Variants in PDE4C observed in about 807,000 individuals in gnomAD.
The protein encoded by PDE4C is 3',5'-cyclic-AMP phosphodiesterase 4C.
Under a neutral mutation model 63.9 loss-of-function variants are expected in PDE4C, and 50 were observed. That is an observed-to-expected ratio of 0.78 (90% CI 0.62 to 0.99). The LOEUF (loss-of-function observed/expected upper bound fraction) is 0.99. PDE4C is among the 50% of genes least tolerant of loss of function. The probability of loss-of-function intolerance (pLI) is 0.00; values close to 1 mark genes in which losing one functional copy is unlikely to be tolerated. For synonymous variants in PDE4C, 377 were observed against 385.1 expected, an observed-to-expected ratio of 0.98 and a Z score of 0.25; for missense variants, 777 against 899.1, an observed-to-expected ratio of 0.86 and a Z score of 1.74.
At chr19:18,239,241 C>G (rs1474735558) in intron 1 of PDE4C, among the ~76,000 whole-genome samples, 1 of 152,174 alleles carries the variant, frequency 6.6e-6, no homozygotes, top group African/African-American at 2.4e-5. Context: ...AAAAGCAATT[C>G]TGAGCTTCAG....
chr19:18,249,201 T>C (rs139679399), upstream of PDE4C, among the ~76,000 whole-genome samples: 2 of 152,126 alleles, frequency 1.3e-5, no homozygotes, highest in East Asian at 3.9e-4. Flanking sequence ...ACTACCAAGC[T>C]CAAGCAATTC....
intron 7 of PDE4C, 82 bp from the exon 8 acceptor site, chr19:18,219,479 C>T: frequency 6.9e-7 from 1 of 1,455,746 alleles, no homozygotes; most frequent in Non-Finnish European, 9.2e-7. Flanking sequence ...TTTGCCAAAC[C>T]CCAGAATCAA....
upstream of PDE4C, among the ~76,000 whole-genome samples, chr19:18,238,238 C>CTT (rs752994500): frequency 3.5e-5 from 5 of 141,378 alleles, no homozygotes; most frequent in Non-Finnish European, 3.1e-5. Context: ...CTCTCTCTCT[C>CTT]TTTTTTTTTT....
At chr19:18,247,903 C>T (rs1407564019) in intron 1 of PDE4C, among the ~76,000 whole-genome samples, 1 of 152,172 alleles carries the variant, frequency 6.6e-6, no homozygotes, top group Admixed American at 6.5e-5. Context: ...GAGACACCCG[C>T]CCGGACCTTG....
chr19:18,232,897 G>T, intron 1 of PDE4C: 2 of 1,412,482 alleles, frequency 1.4e-6, no homozygotes, highest in Non-Finnish European at 1.8e-6. Flanking sequence ...CTCCCGCCAG[G>T]CCCCGCGCGC....
At chr19:18,232,932 C>G in intron 1 of PDE4C, 1 of 1,442,510 alleles carries the variant, frequency 6.9e-7, no homozygotes, top group Non-Finnish European at 9.1e-7. Context: ...GCAGGAGGCC[C>G]CTGCCCCGGC....
chr19:18,226,165 T>TCCGGCC (rs1600090754), intron 1 of PDE4C, 105 bp downstream of exon 1: 1 of 903,330 alleles, frequency 1.1e-6, no homozygotes, highest in South Asian at 1.4e-5. Context: ...AAGCCCGGAC[T>TCCGGCC]CCGGCCCCGG....
upstream of PDE4C, among the ~76,000 whole-genome samples, chr19:18,229,735 A>G (rs190734762): frequency 1.3e-5 from 2 of 152,190 alleles, no homozygotes; most frequent in Admixed American, 6.5e-5. Flanking sequence ...GGAGGAGTCA[A>G]GCAGAATGAG....
chr19:18,226,164 C>A, intron 1 of PDE4C, 106 bp downstream of exon 1: 1 of 894,958 alleles, frequency 1.1e-6, no homozygotes. Context: ...CAAGCCCGGA[C>A]TCCGGCCCCG....
chr19:18,220,910 C>T lies in PDE4C; in HGVS notation c.463G>A (p.Gly155Arg). 2 of 1,606,308 alleles carry T rather than the reference C, an allele frequency of 1.2e-6. No individual in the cohort carries two copies. The highest frequency in any genetic ancestry group is 1.7e-6 in the Non-Finnish European group (2 of 1,177,448). The change falls in exon 5 of 15, where the codon GGA (glycine) becomes AGA (arginine). Residue 155 changes from glycine to arginine, a missense_variant. This residue lies in a region of PDE4C where 249 missense variants were observed against 247.8 expected (regional missense o/e 1.00). Transcript: ENST00000262805. The surrounding 1 kb of genome is among the most constrained non-coding windows in gnomAD (Gnocchi z 5.1). The stretch of plus-strand genomic sequence containing the variant: ...AGCTGATTGCTGGATGAAGGGTTTC[C>T]GACGGGTCCCTGCCTGCGGTACAGC...
At chr19:18,215,577 C>T (rs749776341) in intron 12 of PDE4C, among the ~76,000 whole-genome samples, 19 of 151,356 alleles carry the variant, frequency 1.3e-4, no homozygotes, top group Admixed American at 4.0e-4. Context: ...ATGCAGTGTG[C>T]GATCTCCGCT....
chr19:18,240,461 C>T (rs1362322912), intron 1 of PDE4C, among the ~76,000 whole-genome samples: 1 of 147,732 alleles, frequency 6.8e-6, no homozygotes, highest in Non-Finnish European at 1.5e-5. Flanking sequence ...GGCACGGTGG[C>T]TCATGCCTAT....
Position 18,220,730 on chromosome 19 carries a change from G to A in PDE4C, c.499+144C>T, listed in dbSNP as rs543831683. The A allele has an allele frequency of 1.2e-6, 1 of 865,848 alleles. No homozygotes were observed. Among genetic ancestry groups the A allele is most frequent in the Non-Finnish European group, 1.9e-6 (1 of 532,796 alleles). The allele number at this position is 865,848 out of a possible 1,614,324, so 53.6% of individuals were successfully genotyped here. The stretch of plus-strand genomic sequence containing the variant: ...TCATCTGTAATATGAGTGTGGTGGG[G>A]TCCATCCCCGAGGGCGTTATTGTTT... On this transcript the variant is annotated intron_variant, in intron 5 of 14. Transcript: ENST00000262805. The surrounding 1 kb of genome is among the most constrained non-coding windows in gnomAD (Gnocchi z 5.1).
intron 12 of PDE4C, among the ~76,000 whole-genome samples, chr19:18,214,948 CAAAA>C (rs34534126): frequency 9.8e-6 from 1 of 102,348 alleles, no homozygotes. Context: ...GACTCCATTT[CAAAA>C]AAAAAAAAAA....
At chr19:18,223,030 G>GTT (rs963638227) in intron 1 of PDE4C, among the ~76,000 whole-genome samples, 4 of 150,560 alleles carry the variant, frequency 2.7e-5, no homozygotes, top group African/African-American at 9.8e-5. Context: ...GTTTTTTGGG[G>GTT]TTTTTTTGAG....
At chr19:18,242,534 C>A (rs1969060128) in intron 1 of PDE4C, among the ~76,000 whole-genome samples, 3 of 143,228 alleles carry the variant, frequency 2.1e-5, no homozygotes. Flanking sequence ...GTAATCCCAG[C>A]ATTTTGGGAG....
At chr19:18,224,572 A>C (rs1968644709) in intron 1 of PDE4C, 1 of 946,384 alleles carries the variant, frequency 1.1e-6, no homozygotes, top group Non-Finnish European at 1.3e-6. Context: ...GAGACTTCGG[A>C]TAAGTTCGAG....
chr19:18,221,055 C>CCCCCCCCCCCCCCCCCCCCCCAA, intron 4 of PDE4C, 50 bp downstream of exon 4: 1 of 763,410 alleles, frequency 1.3e-6, no homozygotes, highest in Non-Finnish European at 1.8e-6. Context: ...GCTTTCCGCC[C>CCCCCCCCCCCCCCCCCCCCCCAA]ACCTTGTCTC....
At chr19:18,247,732 C>T (rs1969155867) in intron 1 of PDE4C, among the ~76,000 whole-genome samples, 1 of 152,132 alleles carries the variant, frequency 6.6e-6, no homozygotes, top group Non-Finnish European at 1.5e-5. Flanking sequence ...CATCTGTGGC[C>T]CTGCAGAAAT....
Sources: allele counts gnomAD v4.1 joint callset (sites outside exome capture counted in the v4.1 genomes callset), GRCh38; gene constraint gnomAD v4.1.1; regional missense constraint gnomAD v4.1.1; non-coding constraint Gnocchi (gnomAD v3.1); transcripts MANE v1.5; gene names NCBI Gene and HGNC (gene_info 2026-07-23, HGNC 2026-07-21).